FRMD4B: variants seen among roughly 807,000 people sequenced by gnomAD.
FRMD4B encodes the protein FERM domain-containing protein 4B.
FRMD4B carries 74 observed loss-of-function variants against 141.5 expected under a neutral mutation model. That is an observed-to-expected ratio of 0.52 (90% CI 0.43 to 0.63). FRMD4B has a LOEUF of 0.63. Ranked by LOEUF, FRMD4B falls within the 30% of genes least tolerant of loss-of-function variation. FRMD4B has a pLI of 0.00. For missense variants in FRMD4B, 1,366 were observed against 1,253.4 expected (o/e 1.09, Z -1.36); for synonymous variants, 506 against 467.9 (o/e 1.08, Z -1.05).
intron 1 of FRMD4B, among the ~76,000 whole-genome samples, chr3:69,492,168 G>C (rs1260617695): frequency 1.3e-5 from 2 of 152,112 alleles, no homozygotes; most frequent in African/African-American, 4.8e-5. Flanking sequence ...AGAGCATGTG[G>C]TATGACCACA....
Position 69,438,605 on chromosome 3 carries a change from A to G in FRMD4B, c.-128-5844T>C, listed in dbSNP as rs148587526. Among the ~76,000 whole-genome samples, 783 of 152,268 alleles carry G rather than the reference A, an allele frequency of 5.1e-3. 5 individuals carry two copies. Among genetic ancestry groups the G allele is most frequent in the African/African-American group, 0.018 (739 of 41,552 alleles). On this transcript the variant is annotated intron_variant, in intron 1 of 5. Transcript: ENST00000459638. ...CAATACTTGGAAGGCAGAGGATGCT[A>G]CAAGGGGAAGTGTTCATCCAGGAAA...
At chr3:69,470,237 G>C (rs1705864734) in intron 1 of FRMD4B, among the ~76,000 whole-genome samples, 1 of 152,192 alleles carries the variant, frequency 6.6e-6, no homozygotes, top group Non-Finnish European at 1.5e-5. Flanking sequence ...TACATTAATA[G>C]AGAAAGCTTT....
chr3:69,492,850 G>C (rs1445812035), intron 1 of FRMD4B, among the ~76,000 whole-genome samples: 2 of 152,142 alleles, frequency 1.3e-5, no homozygotes, highest in Non-Finnish European at 2.9e-5. Context: ...ACCACTTCAT[G>C]GCTGGTAAAC....
intron 5 of FRMD4B, among the ~76,000 whole-genome samples, chr3:69,255,475 T>C (rs2093486823): frequency 6.6e-6 from 1 of 151,994 alleles, no homozygotes; most frequent in Non-Finnish European, 1.5e-5. Context: ...AGCCCAGGAA[T>C]TCAAGGCTGC....
chr3:69,248,906 G>GTTT (rs34660103), intron 7 of FRMD4B, among the ~76,000 whole-genome samples: 1 of 151,682 alleles, frequency 6.6e-6, no homozygotes, highest in African/African-American at 2.4e-5. Flanking sequence ...TTATTGTAAG[G>GTTT]TTTTTTTTTA....
In FRMD4B at chr3:69,302,343, C is replaced by G; in HGVS notation, c.416G>C (p.Arg139Thr). 6.4e-7 allele frequency: 1 copy of G among 1,567,042 alleles called. No homozygotes were observed. Among genetic ancestry groups the G allele is most frequent in the South Asian group, 1.1e-5 (1 of 88,668 alleles). Residue 139 changes from arginine to threonine, a missense_variant and splice_region_variant, in exon 4 of 23, where the codon AGG (arginine) becomes ACG (threonine). By Grantham distance (71) the Arg-to-Thr change is moderately conservative. Coordinates refer to ENST00000398540, the MANE Select transcript of FRMD4B (RefSeq NM_015123.3). ...PGPTILHFAV[R>T]FYIESISFLK... ...GCTAACTGGGTCTGTGGATACATAC[C>G]TCACAGCAAAGTGCAAAATGGTTGG...
intron 1 of FRMD4B, among the ~76,000 whole-genome samples, chr3:69,537,954 C>T (rs1232320524): frequency 2.0e-5 from 3 of 152,200 alleles, no homozygotes; most frequent in Non-Finnish European, 4.4e-5. Flanking sequence ...GGGTAGGACT[C>T]CATTGCTGGG....
chr3:69,394,834 T>C (rs1267587263), intron 2 of FRMD4B, among the ~76,000 whole-genome samples: 2 of 152,020 alleles, frequency 1.3e-5, no homozygotes, highest in African/African-American at 4.8e-5. Context: ...TACTATGCAG[T>C]CATAAAAAAG....
chr3:69,452,241 G>C (rs1476644719), intron 1 of FRMD4B, among the ~76,000 whole-genome samples: 1 of 152,232 alleles, frequency 6.6e-6, no homozygotes, highest in Non-Finnish European at 1.5e-5. Flanking sequence ...GGGAAAGCTG[G>C]ACTATTAACA....
At chr3:69,539,248 C>G (rs1375801758) in intron 1 of FRMD4B, among the ~76,000 whole-genome samples, 1 of 152,148 alleles carries the variant, frequency 6.6e-6, no homozygotes, top group East Asian at 1.9e-4. Flanking sequence ...CCAAAACTTT[C>G]TTTTTGTCTG....
At chr3:69,286,621 AT>A (rs35798692) in intron 5 of FRMD4B, among the ~76,000 whole-genome samples, 75,953 of 151,912 alleles carry the variant, frequency 0.5, 19,172 homozygotes, top group Admixed American at 0.54. Flanking sequence ...GAATTCTGAG[AT>A]TCCCAGGCAT....
chr3:69,448,918 G>A (rs533070030), intron 1 of FRMD4B, among the ~76,000 whole-genome samples: 1 of 152,272 alleles, frequency 6.6e-6, no homozygotes, highest in African/African-American at 2.4e-5. Flanking sequence ...GGGAGGCTGA[G>A]TTTTCAGGTA....
intron 4 of FRMD4B, among the ~76,000 whole-genome samples, chr3:69,289,793 C>G (rs774662912): frequency 7.2e-5 from 11 of 152,084 alleles, no homozygotes; most frequent in Non-Finnish European, 1.5e-4. Context: ...GAGGGAGACT[C>G]TGTCTCAAAA....
At position 69,395,405 on chromosome 3, in the gene FRMD4B, G is replaced by C. The variant is rs1704457511; in HGVS notation, c.-1+37229C>G. ...ATAGTACTGAACTGCAGTACACTGAGAAACAGAAATTACCAATATCAGTGG... is the reference window on the plus strand; with the variant it reads ...ATAGTACTGAACTGCAGTACACTGACAAACAGAAATTACCAATATCAGTGG... On this transcript the variant is annotated intron_variant, in intron 2 of 5. Coordinates refer to the FRMD4B transcript ENST00000459638. Among the ~76,000 whole-genome samples the C allele has an allele frequency of 6.6e-5, 10 of 152,162 alleles. No individual in the cohort carries two copies. In the South Asian group the frequency reaches 1.9e-3, roughly 28 times the overall value.
chr3:69,277,884 C>T (rs2093625916), intron 5 of FRMD4B, among the ~76,000 whole-genome samples: 1 of 146,194 alleles, frequency 6.8e-6, no homozygotes, highest in Admixed American at 7.1e-5. Context: ...GAGACAGAGT[C>T]TCGCTCTGTC....
At chr3:69,228,831 T>C (rs1259637125) in intron 7 of FRMD4B, among the ~76,000 whole-genome samples, 3 of 140,186 alleles carry the variant, frequency 2.1e-5, no homozygotes, top group African/African-American at 7.4e-5. Context: ...GAGATTCTCT[T>C]ATTTAAAAAA....
chr3:69,410,731 ATATATATATATATAT>A lies in FRMD4B; in HGVS notation c.-1+21888_-1+21902del, dbSNP rs1704744031. On this transcript the variant is annotated intron_variant, in intron 2 of 5. Transcript: ENST00000459638. ...TATAAATAAATAAATAAATAAATATATATATATATATATATATATATATATATATATATATATATA... is the reference window on the plus strand; with the variant it reads ...TATAAATAAATAAATAAATAAATATAATATATATATATATATATATATATA... Among the ~76,000 whole-genome samples the A allele has an allele frequency of 3.6e-3, 292 of 81,462 alleles. 3 individuals are homozygous for A. The highest frequency in any genetic ancestry group is 0.027 in the Middle Eastern group (4 of 148). 53.4% of individuals were successfully genotyped at this position (81,462 alleles called of 152,430 possible). A position where few individuals can be genotyped will look rare whatever the true frequency, so the allele number is the denominator to read the frequency against.
chr3:69,352,231 C>G (rs1420872774), intron 1 of FRMD4B, among the ~76,000 whole-genome samples: 1 of 152,132 alleles, frequency 6.6e-6, no homozygotes, highest in Non-Finnish European at 1.5e-5. Flanking sequence ...ATAATGAGGC[C>G]TTAGGTCACC....
chr3:69,375,869 A>T (rs990449001), intron 1 of FRMD4B, among the ~76,000 whole-genome samples: 4 of 152,242 alleles, frequency 2.6e-5, no homozygotes, highest in Admixed American at 2.6e-4. Flanking sequence ...TTTTCAGTAT[A>T]CACCATACAG....
Sources: allele counts gnomAD v4.1 joint callset (sites outside exome capture counted in the v4.1 genomes callset), GRCh38; gene constraint gnomAD v4.1.1; transcripts MANE v1.5; gene names NCBI Gene and HGNC (gene_info 2026-07-23, HGNC 2026-07-21).